Variants in IRF4 observed in about 807,000 individuals in gnomAD.
The protein encoded by IRF4 is interferon regulatory factor 4, also known as lymphocyte-specific interferon regulatory factor.
A neutral mutation model predicts 55.5 loss-of-function variants in IRF4; 13 were observed. The observed-to-expected ratio is 0.23, with a 90% CI of 0.15 to 0.37. The LOEUF is 0.37. Among genes scored for constraint, IRF4 ranks in the 10% least tolerant of loss-of-function variants. IRF4 has a pLI of 1.00. For synonymous variants in IRF4, 249 were observed against 240.7 expected (o/e 1.03, Z -0.32); for missense variants, 397 against 593.8 (o/e 0.67, Z 3.44).
chr6:395,729 A>C (rs1761233439), intron 3 of IRF4, 118 bp from the exon 4 acceptor site: 1 of 741,086 alleles, frequency 1.3e-6, no homozygotes, highest in Non-Finnish European at 2.3e-6. Context: ...CTTATTTGTC[A>C]ACACCGTGTT....
At chr6:401,360 A>G (rs1336821982) in intron 6 of IRF4, 64 bp from the exon 7 acceptor site, 4 of 1,235,074 alleles carry the variant, frequency 3.2e-6, no homozygotes, top group Non-Finnish European at 4.6e-6. Flanking sequence ...GGCTCTGTGG[A>G]GTCGTTGGCC....
intron 3 of IRF4, among the ~76,000 whole-genome samples, chr6:395,334 A>G (rs1761225125): frequency 6.6e-6 from 1 of 152,218 alleles, no homozygotes; most frequent in African/African-American, 2.4e-5. Flanking sequence ...TACTTATCTA[A>G]TAGTCTTTAG....
intron 7 of IRF4, among the ~76,000 whole-genome samples, chr6:402,636 G>T (rs1211077202): frequency 6.6e-6 from 1 of 152,188 alleles, no homozygotes; most frequent in Non-Finnish European, 1.5e-5. Context: ...GTGTGCTCTG[G>T]CACTGTTGAC....
chr6:407,908 G>A lies in IRF4; in HGVS notation c.*310G>A, dbSNP rs375277275. The A allele has an allele frequency of 1.2e-5, 4 of 331,594 alleles. No homozygotes were observed. The highest frequency in any genetic ancestry group is 8.2e-4 in the Middle Eastern group (1 of 1,224). The allele number at this position is 331,594 out of a possible 1,614,324, so 20.5% of individuals were successfully genotyped here. A position where few individuals can be genotyped will look rare whatever the true frequency, so the allele number is the denominator to read the frequency against. ...TCAGAAGTGGAGATTTCAGTTCAGC[G>A]GTTGAGGAGAATTGCGGCGAGACAA... On this transcript the variant is annotated 3_prime_UTR_variant, in exon 9 of 9. Transcript: ENST00000380956.
chr6:406,705 T>A, intron 8 of IRF4: 1 of 890,762 alleles, frequency 1.1e-6, no homozygotes, highest in South Asian at 2.1e-5. Context: ...ATAAAATGAA[T>A]AAACACACGT....
intron 4 of IRF4, among the ~76,000 whole-genome samples, chr6:396,331 T>C (rs1039107432): frequency 6.6e-6 from 1 of 152,252 alleles, no homozygotes; most frequent in Non-Finnish European, 1.5e-5. Context: ...CAAATTCCCC[T>C]GTGGTACTTT....
chr6:395,074 A>T, intron 3 of IRF4, 67 bp downstream of exon 3: 1 of 1,222,492 alleles, frequency 8.2e-7, no homozygotes, highest in East Asian at 2.5e-5. Context: ...CCTTAACTTC[A>T]TTCTGAGCAT....
chr6:403,494 C>G (rs1761462098), intron 7 of IRF4, among the ~76,000 whole-genome samples: 2 of 152,208 alleles, frequency 1.3e-5, no homozygotes, highest in African/African-American at 4.8e-5. Flanking sequence ...GAGGTAGAGC[C>G]CCCGTGGTGA....
chr6:401,540 G>A lies in IRF4; in HGVS notation c.862G>A (p.Asp288Asn). 2 of 1,614,078 alleles carry A rather than the reference G, an allele frequency of 1.2e-6. No homozygotes were observed. Among genetic ancestry groups the A allele is most frequent in the Non-Finnish European group, 1.7e-6 (2 of 1,180,034 alleles). The change falls in exon 7 of 9, where the codon GAC (aspartate) becomes AAC (asparagine). Residue 288 changes from aspartate to asparagine, a missense_variant. Transcript: ENST00000380956. ...HGHTYDASNL[D>N]QVLFPYPEDN... is the part of the protein sequence containing the mutation. ...ACATACGTATGACGCCAGCAACCTG[G>A]ACCAGGTCCTGTTCCCCTACCCAGA...
Position 408,497 on chromosome 6 carries a change from G to T in IRF4, c.*899G>T, listed in dbSNP as rs150882331. ...CGCTACTCTTGGATGGGACATTTTT[G>T]TCTGTCCTACAATCTAGTAATGTCT... On this transcript the variant is annotated 3_prime_UTR_variant, in exon 9 of 9. Coordinates refer to ENST00000380956, the MANE Select transcript of IRF4 (RefSeq NM_002460.4). 1.3e-5 allele frequency: 3 copies of T among 229,864 alleles called. No homozygotes were observed. The highest frequency in any genetic ancestry group is 4.4e-5 in the African/African-American group (2 of 45,122). The allele number at this position is 229,864 out of a possible 1,614,324, so 14.2% of individuals were successfully genotyped here. A position where few individuals can be genotyped will look rare whatever the true frequency, so the allele number is the denominator to read the frequency against.
At position 409,064 on chromosome 6, in the gene IRF4, C is replaced by T. The variant is rs1486324111; in HGVS notation, c.*1466C>T. ...TCATACTACAGGATATTTACTATTA[C>T]TCCCAGGATCAGCAGAAGATTGCGT... On this transcript the variant is annotated 3_prime_UTR_variant, in exon 9 of 9. Coordinates refer to ENST00000380956, the MANE Select transcript of IRF4 (RefSeq NM_002460.4). 2.3e-5 allele frequency: 5 copies of T among 215,878 alleles called. No individual in the cohort carries two copies. Among genetic ancestry groups the T allele is most frequent in the African/African-American group, 6.8e-5 (3 of 44,384 alleles). The allele number at this position is 215,878 out of a possible 1,614,324, so 13.4% of individuals were successfully genotyped here.
At chr6:407,239 A>G (rs1761568532) in intron 8 of IRF4, among the ~76,000 whole-genome samples, 1 of 152,238 alleles carries the variant, frequency 6.6e-6, no homozygotes. Flanking sequence ...TTAACCCAGA[A>G]TTAAGTCACT....
Position 393,425 on chromosome 6 carries a change from C to A in IRF4, c.216+57C>A, listed in dbSNP as rs994349167. ...CCGGGGAGGGCCCAGAGACAGAGCC[C>A]GGGGTCCCCGGCGCCGCCTCCGAGG... On this transcript the variant is annotated intron_variant, in intron 2 of 8. Transcript: ENST00000380956. This position sits in a 1 kb window ranked among gnomAD's most constrained non-coding sequence, Gnocchi z 5.4. 4.8e-6 allele frequency: 2 copies of A among 420,474 alleles called. No homozygotes were observed. Among genetic ancestry groups the A allele is most frequent in the African/African-American group, 2.3e-5 (1 of 44,136 alleles). 26.0% of individuals were successfully genotyped at this position (420,474 alleles called of 1,614,324 possible).
chr6:393,772 G>C lies in IRF4; in HGVS notation c.216+404G>C, dbSNP rs1761185229. Among the ~76,000 whole-genome samples the C allele has an allele frequency of 6.6e-6, 1 of 152,198 alleles. No individual in the cohort carries two copies. The highest frequency in any genetic ancestry group is 1.5e-5 in the Non-Finnish European group (1 of 68,032). ...TCGCCCTCTCCGTGCGTCCGCGCCT[G>C]TGCCGGCGGCTGTTTTCGTCTCTCA... On this transcript the variant is annotated intron_variant, in intron 2 of 8. Coordinates refer to ENST00000380956, the MANE Select transcript of IRF4 (RefSeq NM_002460.4). This position sits in a 1 kb window ranked among gnomAD's most constrained non-coding sequence, Gnocchi z 5.4.
In IRF4 at chr6:393,702, C is replaced by T. The variant is rs1390716498; in HGVS notation, c.216+334C>T. Among the ~76,000 whole-genome samples, 1 of 152,180 alleles carries T rather than the reference C, an allele frequency of 6.6e-6. No individual in the cohort carries two copies. Among genetic ancestry groups the T allele is most frequent in the East Asian group, 1.9e-4 (1 of 5,174 alleles). On this transcript the variant is annotated intron_variant, in intron 2 of 8. Transcript: ENST00000380956. The surrounding 1 kb of genome is among the most constrained non-coding windows in gnomAD (Gnocchi z 5.4). ...TCTCGTTTCCACGCAAGCCTCCCGC[C>T]CTTCCTCCGGGCTCCCGTCTGCCGC... is the stretch of plus-strand genomic sequence containing the variant.
chr6:396,317 A>G (rs1761256861), intron 4 of IRF4, among the ~76,000 whole-genome samples: 1 of 152,246 alleles, frequency 6.6e-6, no homozygotes, highest in Non-Finnish European at 1.5e-5. Context: ...TGGGTAAAAG[A>G]AGGCAAATTC....
chr6:406,825 G>T, intron 8 of IRF4: 2 of 1,180,910 alleles, frequency 1.7e-6, no homozygotes, highest in Non-Finnish European at 1.1e-6. Flanking sequence ...TATCATGATT[G>T]ATGGAGAGCA....
rs773239690 is a variant in IRF4 at position 410,258 on chromosome 6, A to G, written c.*2660A>G. 50 of 228,032 alleles carry G rather than the reference A, an allele frequency of 2.2e-4. No homozygotes were observed. Among genetic ancestry groups the G allele is most frequent in the Non-Finnish European group, 3.5e-4 (40 of 114,722 alleles). The allele number at this position is 228,032 out of a possible 1,614,324, so 14.1% of individuals were successfully genotyped here. On this transcript the variant is annotated 3_prime_UTR_variant, in exon 9 of 9. Coordinates refer to ENST00000380956, the MANE Select transcript of IRF4 (RefSeq NM_002460.4). ...GTCTCCCAGGTGCATTTCTTGGTTT[A>G]TGTCTTGTTCTTGAGATTTTGTATA...
intron 6 of IRF4, among the ~76,000 whole-genome samples, chr6:400,647 A>T (rs1440357297): frequency 6.6e-6 from 1 of 152,260 alleles, no homozygotes; most frequent in Non-Finnish European, 1.5e-5. Context: ...AAAATGGAAA[A>T]TAAAAATATC....
Sources: gnomAD v4.1 joint callset for allele counts (sites outside exome capture counted in the v4.1 genomes callset) on GRCh38, gnomAD v4.1.1 for gene constraint, Gnocchi (gnomAD v3.1) non-coding constraint, MANE v1.5 for transcripts, NCBI Gene and HGNC (gene_info 2026-07-23, HGNC 2026-07-21) for gene names.